The following SLC17A6 variants were observed in gnomAD, a reference collection of about 807,000 sequenced individuals.
SLC17A6 encodes vesicular glutamate transporter 2.
SLC17A6 carries 35 observed loss-of-function variants against 67.1 expected under a neutral mutation model. That is an observed-to-expected ratio of 0.52 (90% CI 0.40 to 0.69). The LOEUF (loss-of-function observed/expected upper bound fraction) is 0.69. Ranked by LOEUF, SLC17A6 falls within the 30% of genes least tolerant of loss-of-function variation. The pLI, the probability that SLC17A6 is intolerant of heterozygous loss-of-function variation, is 0.00. For missense variants in SLC17A6, 588 were observed against 723.9 expected (o/e 0.81, Z 2.15); for synonymous variants, 285 against 252.3 (o/e 1.13, Z -1.23).
At chr11:22,346,907 G>T (rs576026607) in intron 3 of SLC17A6, among the ~76,000 whole-genome samples, 1 of 150,370 alleles carries the variant, frequency 6.7e-6, no homozygotes, top group African/African-American at 2.4e-5. Flanking sequence ...ATACAGCAAA[G>T]GGAGTTTGAT....
chr11:22,338,934 C>T (rs1354504932), intron 1 of SLC17A6, among the ~76,000 whole-genome samples: 2 of 150,516 alleles, frequency 1.3e-5, no homozygotes, highest in East Asian at 1.9e-4. Context: ...AAATGGCCAG[C>T]CCCTGCTCAA....
intron 3 of SLC17A6, among the ~76,000 whole-genome samples, chr11:22,343,735 G>A (rs921765116): frequency 6.6e-6 from 1 of 152,112 alleles, no homozygotes; most frequent in African/African-American, 2.4e-5. Context: ...CAGATGCTGC[G>A]CTCTCTCCTG....
At chr11:22,356,642 C>T (rs971291530) in intron 3 of SLC17A6, among the ~76,000 whole-genome samples, 13 of 152,118 alleles carry the variant, frequency 8.5e-5, no homozygotes, top group Non-Finnish European at 1.8e-4. Flanking sequence ...CAAGACCAGC[C>T]TTGTCAACCT....
In SLC17A6 at chr11:22,343,379, C is replaced by G; in HGVS notation, c.458+14C>G. The G allele has an allele frequency of 6.3e-7, 1 of 1,596,950 alleles. No homozygotes were observed. Among genetic ancestry groups the G allele is most frequent in the Non-Finnish European group, 8.5e-7 (1 of 1,170,834 alleles). On this transcript the variant is annotated intron_variant, in intron 3 of 11. Transcript: ENST00000263160. ...GGCAGCCAACAGGTAATGCGCCAGG[C>G]GGGACTGGGGCTCGGGGCGTGGTGT...
At chr11:22,349,077 C>T (rs377554560) in intron 3 of SLC17A6, among the ~76,000 whole-genome samples, 18 of 152,198 alleles carry the variant, frequency 1.2e-4, no homozygotes, top group African/African-American at 3.4e-4. Context: ...CACACACACG[C>T]TATTGGTCTG....
Position 22,365,655 on chromosome 11 carries a change from T to C in SLC17A6, c.857T>C (p.Ile286Thr), listed in dbSNP as rs773837024. Reference protein sequence around the residue: ...DEERRYIEESIGESANLLGAM... With the variant: ...DEERRYIEESTGESANLLGAM... The stretch of plus-strand genomic sequence containing the variant: ...GAACGTAGGTACATAGAAGAAAGCA[T>C]TGGAGAGAGTGCAAATCTTTTAGGT... The change falls in exon 7 of 12, where the codon ATT becomes ACT. Residue 286 changes from isoleucine (I) to threonine (T), a missense_variant. Around this residue, in one of 4 missense-constraint regions of SLC17A6, gnomAD observed 414 missense variants for 563.4 expected, o/e 0.73. Transcript: ENST00000263160. The C allele has an allele frequency of 2.7e-5, 43 of 1,613,582 alleles. No individual in the cohort carries two copies. Among genetic ancestry groups the C allele is most frequent in the African/African-American group, 5.3e-5 (4 of 74,912 alleles).
Position 22,348,678 on chromosome 11 carries a change from A to G in SLC17A6, c.458+5313A>G, listed in dbSNP as rs2133862394. 1.3e-5 allele frequency among the ~76,000 whole-genome samples: 2 copies of G among 152,286 alleles called. 1 individual carries two copies. The highest frequency in any genetic ancestry group is 4.1e-4 in the South Asian group (2 of 4,822). ...TATCCTTGGGGTTTTGACTGATGCA[A>G]CTCAATTTACATGCTGTATAAAATA... On this transcript the variant is annotated intron_variant, in intron 3 of 11. Coordinates refer to ENST00000263160, the MANE Select transcript of SLC17A6 (RefSeq NM_020346.3).
intron 5 of SLC17A6, among the ~76,000 whole-genome samples, chr11:22,361,726 T>C (rs982100797): frequency 6.6e-6 from 1 of 152,196 alleles, no homozygotes; most frequent in Non-Finnish European, 1.5e-5. Flanking sequence ...TTTTTGTTTG[T>C]TGCTAACTTT....
At chr11:22,370,497 C>T (rs1164907479) in intron 8 of SLC17A6, among the ~76,000 whole-genome samples, 1 of 152,046 alleles carries the variant, frequency 6.6e-6, no homozygotes, top group Non-Finnish European at 1.5e-5. Context: ...ACATAACTCC[C>T]TTTAAGTCTC....
chr11:22,342,554 C>G (rs1021007231), intron 2 of SLC17A6, among the ~76,000 whole-genome samples: 4 of 152,092 alleles, frequency 2.6e-5, no homozygotes, highest in Non-Finnish European at 4.4e-5. Flanking sequence ...AATATTGAGC[C>G]CCAGTTTACC....
At chr11:22,375,231 G>A (rs1388520588) in intron 9 of SLC17A6, among the ~76,000 whole-genome samples, 1 of 151,632 alleles carries the variant, frequency 6.6e-6, no homozygotes, top group African/African-American at 2.4e-5. Flanking sequence ...AATTAGCTGG[G>A]CATGGTGGTG....
Position 22,343,172 on chromosome 11 carries a change from T to C in SLC17A6, c.340-75T>C. Reference sequence around the variant, plus strand: ...CCCAAGCCTTGGGGGCTTTTTGGCTTGTGAACCACTGAAAGTGAGCCTTTG... The same window carrying C: ...CCCAAGCCTTGGGGGCTTTTTGGCTCGTGAACCACTGAAAGTGAGCCTTTG... On this transcript the variant is annotated intron_variant, in intron 2 of 11. Transcript: ENST00000263160. The C allele has an allele frequency of 4.0e-6, 5 of 1,256,322 alleles. No homozygotes were observed. In the Admixed American group the frequency reaches 9.0e-5, roughly 23 times the overall value. The allele number at this position is 1,256,322 out of a possible 1,614,324, so 77.8% of individuals were successfully genotyped here.
intron 3 of SLC17A6, among the ~76,000 whole-genome samples, chr11:22,348,412 T>C (rs1423373680): frequency 6.6e-6 from 1 of 152,214 alleles, no homozygotes; most frequent in Non-Finnish European, 1.5e-5. Flanking sequence ...GTGTGTGTAC[T>C]GGCTCCCAAG....
In SLC17A6 at chr11:22,370,095, T is replaced by G. The variant is rs768290442; in HGVS notation, c.948T>G (p.Ile316Met). Residue 316 changes from isoleucine to methionine, a missense_variant, in exon 8 of 12, where the codon ATT becomes ATG. Transcript: ENST00000263160. ...CATCCATGCCAGTCTATGCAATAAT[T>G]GTTGCAAACTTCTGCAGAAGCTGGA... ...FFTSMPVYAIIVANFCRSWTF... is the reference protein window; with the variant it reads ...FFTSMPVYAIMVANFCRSWTF... The G allele has an allele frequency of 1.9e-6, 3 of 1,612,238 alleles. No individual in the cohort carries two copies. The Admixed American group carries it at 5.0e-5, about 27-fold the overall frequency.
Position 22,372,862 on chromosome 11 carries a change from G to C in SLC17A6, c.1042-1893G>C, listed in dbSNP as rs543451726. Among the ~76,000 whole-genome samples, 3 of 152,206 alleles carry C rather than the reference G, an allele frequency of 2.0e-5. No individual in the cohort carries two copies. In the East Asian group the frequency reaches 5.8e-4, roughly 29 times the overall value. ...GATCATGTGTCAAGTGATTACTCAT[G>C]ATAAGTCCCCAAAAGCCAAGAAGAC... On this transcript the variant is annotated intron_variant, in intron 8 of 11. Transcript: ENST00000263160.
chr11:22,342,521 C>G (rs893598155), intron 2 of SLC17A6, among the ~76,000 whole-genome samples: 28 of 152,154 alleles, frequency 1.8e-4, no homozygotes, highest in Non-Finnish European at 4.1e-4. Context: ...GCGGGAAAAG[C>G]GCGCTCCCAC....
At chr11:22,340,460 A>T (rs1855802754) in intron 1 of SLC17A6, among the ~76,000 whole-genome samples, 1 of 152,202 alleles carries the variant, frequency 6.6e-6, no homozygotes, top group Non-Finnish European at 1.5e-5. Context: ...TCTCCCAAGG[A>T]CCAAAGCCAA....
intron 8 of SLC17A6, among the ~76,000 whole-genome samples, chr11:22,374,282 A>G (rs1396206496): frequency 2.0e-5 from 3 of 152,218 alleles, no homozygotes; most frequent in South Asian, 2.1e-4. Context: ...ATCTTACTCT[A>G]TAGAAATTAT....
At chr11:22,348,979 T>G (rs148047626) in intron 3 of SLC17A6, among the ~76,000 whole-genome samples, 55 of 152,300 alleles carry the variant, frequency 3.6e-4, no homozygotes, top group African/African-American at 1.3e-3. Context: ...GATGTGCTTT[T>G]ATTTATTTGT....
Sources: gnomAD v4.1 joint callset for allele counts (sites outside exome capture counted in the v4.1 genomes callset) on GRCh38, gnomAD v4.1.1 for gene constraint, gnomAD v4.1.1 regional missense constraint, MANE v1.5 for transcripts, NCBI Gene and HGNC (gene_info 2026-07-23, HGNC 2026-07-21) for gene names.